ADGRB2: variants seen among roughly 807,000 people sequenced by gnomAD.
ADGRB2 encodes adhesion G protein-coupled receptor B2, also known as brain-specific angiogenesis inhibitor 2.
In ADGRB2, 47 loss-of-function variants were observed where a neutral mutation model predicts 178.7. The ratio of observed to expected loss-of-function variants is 0.26; its 90% CI spans 0.21 to 0.34. The LOEUF is 0.34. Ranked by LOEUF, ADGRB2 falls within the 10% of genes least tolerant of loss-of-function variation. The probability of loss-of-function intolerance (pLI) is 1.00; values close to 1 mark genes in which losing one functional copy is unlikely to be tolerated. For synonymous variants in ADGRB2, 870 were observed against 912.4 expected (o/e 0.95, Z 0.84); for missense variants, 1,584 against 2,180.8 (o/e 0.73, Z 5.45).
chr1:31,740,206 G>C lies in ADGRB2; in HGVS notation c.1990-28C>G. The C allele has an allele frequency of 6.2e-7, 1 of 1,613,692 alleles. No individual in the cohort carries two copies. The highest frequency in any genetic ancestry group is 1.3e-5 in the African/African-American group (1 of 75,030). ...GAGGAGAGAGCAATGAGTGGCAGGGGGTCCTAGCCCCAGGGAACAGGGGGC... is the reference window on the plus strand; with the variant it reads ...GAGGAGAGAGCAATGAGTGGCAGGGCGTCCTAGCCCCAGGGAACAGGGGGC... On this transcript the variant is annotated intron_variant, in intron 12 of 32. Coordinates refer to ENST00000373658, the MANE Select transcript of ADGRB2 (RefSeq NM_001364857.2). This position sits in a 1 kb window ranked among gnomAD's most constrained non-coding sequence, Gnocchi z 5.9.
In ADGRB2 at chr1:31,739,645, G is replaced by A. The variant is rs755774435; in HGVS notation, c.2168-10C>T. 7 of 1,568,452 alleles carry A rather than the reference G, an allele frequency of 4.5e-6. No homozygotes were observed. The highest frequency in any genetic ancestry group is 6.1e-6 in the Non-Finnish European group (7 of 1,154,676). The stretch of plus-strand genomic sequence containing the variant: ...CGCTGAATGCTGATCACTGCAGTGG[G>A]AGGAGGGTGGACAGAGACAGACAGA... On this transcript the variant is annotated splice_polypyrimidine_tract_variant and intron_variant, in intron 14 of 32. Coordinates refer to ENST00000373658, the MANE Select transcript of ADGRB2 (RefSeq NM_001364857.2).
Position 31,733,272 on chromosome 1 carries a change from A to G in ADGRB2, c.3453-129T>C. On this transcript the variant is annotated intron_variant, in intron 25 of 32. Coordinates refer to ENST00000373658, the MANE Select transcript of ADGRB2 (RefSeq NM_001364857.2). The surrounding 1 kb of genome is among the most constrained non-coding windows in gnomAD (Gnocchi z 4.3). ...GGAGGGCCCCAAACCCCAGGGCCTC[A>G]GTAATGTCCCCAAGCAGAGAGGGGC... 1 of 980,640 alleles carries G rather than the reference A, an allele frequency of 1.0e-6. No homozygotes were observed. 60.7% of individuals were successfully genotyped at this position (980,640 alleles called of 1,614,324 possible). A position where few individuals can be genotyped will look rare whatever the true frequency, so the allele number is the denominator to read the frequency against.
In ADGRB2 at chr1:31,756,750, C is replaced by A; in HGVS notation, c.87G>T (p.Leu29=). The change falls in exon 4 of 33, where the codon CTG becomes CTT. Residue 29 remains leucine (L), a synonymous_variant. Coordinates refer to ENST00000373658, the MANE Select transcript of ADGRB2 (RefSeq NM_001364857.2). This position sits in a 1 kb window ranked among gnomAD's most constrained non-coding sequence, Gnocchi z 8.5. ...LLLSVILSLR[L]ATAFDPAPSA... ...TGGGGGCGGGGTCGAAGGCGGTGGC[C>A]AGGCGCAGGGACAGAATCACAGACA... is the stretch of plus-strand genomic sequence containing the variant. 6.4e-7 allele frequency: 1 copy of A among 1,557,886 alleles called. No homozygotes were observed. The highest frequency in any genetic ancestry group is 1.2e-5 in the South Asian group (1 of 82,346).
intron 25 of ADGRB2, among the ~76,000 whole-genome samples, chr1:31,734,810 C>G (rs1645483422): frequency 6.6e-6 from 1 of 152,114 alleles, no homozygotes; most frequent in Admixed American, 6.5e-5. Context: ...TTCTGATTGT[C>G]TTATTCTAAG....
chr1:31,731,510 G>C lies in ADGRB2; in HGVS notation c.3761-91C>G, dbSNP rs534920227. 2.3e-5 allele frequency: 34 copies of C among 1,464,012 alleles called. No homozygotes were observed. The East Asian group carries it at 7.9e-4, about 34-fold the overall frequency. The allele number at this position is 1,464,012 out of a possible 1,614,324, so 90.7% of individuals were successfully genotyped here. A position where few individuals can be genotyped will look rare whatever the true frequency, so the allele number is the denominator to read the frequency against. On this transcript the variant is annotated intron_variant, in intron 28 of 32. Coordinates refer to ENST00000373658, the MANE Select transcript of ADGRB2 (RefSeq NM_001364857.2). ...CAGGCTGGGGAGGTACCAAGCTTCT[G>C]CGCTTGGACAGGAAAGGAAACTGGG...
chr1:31,742,444 T>C (rs1483060476), intron 7 of ADGRB2, among the ~76,000 whole-genome samples: 1 of 152,026 alleles, frequency 6.6e-6, no homozygotes, highest in Non-Finnish European at 1.5e-5. Flanking sequence ...ACAGGACACC[T>C]CTCCTCTTAG....
At chr1:31,743,075 C>T in intron 6 of ADGRB2, 73 bp from the exon 7 acceptor site, 1 of 1,337,730 alleles carries the variant, frequency 7.5e-7, no homozygotes, top group Middle Eastern at 2.8e-4. Flanking sequence ...GCCCATCCGC[C>T]CACCAATCAG....
At chr1:31,736,257 T>C in intron 22 of ADGRB2, 64 bp downstream of exon 22, 1 of 1,569,014 alleles carries the variant, frequency 6.4e-7, no homozygotes, top group Non-Finnish European at 8.7e-7. Flanking sequence ...TTCAGCCAGC[T>C]GCCCAGTCCG....
At chr1:31,745,764 C>T (rs373402139) in intron 4 of ADGRB2, among the ~76,000 whole-genome samples, 2 of 152,204 alleles carry the variant, frequency 1.3e-5, no homozygotes, top group Non-Finnish European at 1.5e-5. Context: ...TGGACAGGCA[C>T]GCTGAGTGTG....
chr1:31,728,350 C>T lies in ADGRB2; in HGVS notation c.4417-70G>A, dbSNP rs1645102335. The T allele has an allele frequency of 1.3e-6, 2 of 1,506,852 alleles. No individual in the cohort carries two copies. Among genetic ancestry groups the T allele is most frequent in the Non-Finnish European group, 1.8e-6 (2 of 1,095,884 alleles). 93.3% of individuals were successfully genotyped at this position (1,506,852 alleles called of 1,614,324 possible). On this transcript the variant is annotated intron_variant, in intron 30 of 32. Transcript: ENST00000373658. This position sits in a 1 kb window ranked among gnomAD's most constrained non-coding sequence, Gnocchi z 6.7. ...CATGATCCCCCCTACCCAGGGCACT[C>T]AGCACCCCAAGCCCCCCACATCCCT...
chr1:31,738,770 G>C lies in ADGRB2; in HGVS notation c.2601+62C>G, dbSNP rs879096773. On this transcript the variant is annotated intron_variant, in intron 16 of 32. Transcript: ENST00000373658. ...ATCAGGGACAGAGTGCTTCCCACCAGCCAGGCCTCTGGCCACCCAGGTTGA... is the reference window on the plus strand; with the variant it reads ...ATCAGGGACAGAGTGCTTCCCACCACCCAGGCCTCTGGCCACCCAGGTTGA... The C allele has an allele frequency of 6.2e-6, 10 of 1,601,104 alleles. No individual in the cohort carries two copies. In the South Asian group the frequency reaches 9.9e-5, roughly 16 times the overall value.
At position 31,758,076 on chromosome 1, in the gene ADGRB2, A is replaced by G. The variant is rs796249681; in HGVS notation, c.-190-565T>C. Among the ~76,000 whole-genome samples, 6 of 152,284 alleles carry G rather than the reference A, an allele frequency of 3.9e-5. No individual in the cohort carries two copies. Among genetic ancestry groups the G allele is most frequent in the African/African-American group, 1.4e-4 (6 of 41,548 alleles). On this transcript the variant is annotated intron_variant, in intron 1 of 32. Coordinates refer to ENST00000373658, the MANE Select transcript of ADGRB2 (RefSeq NM_001364857.2). The surrounding 1 kb of genome is among the most constrained non-coding windows in gnomAD (Gnocchi z 4.2). ...GCGCAACCTCTACCCAACTGCCCAG[A>G]AAATGGAACCTAGCGCGTGGTCTGA...
In ADGRB2 at chr1:31,733,076, C is replaced by A; in HGVS notation, c.3520G>T (p.Ala1174Ser). 6.3e-7 allele frequency: 1 copy of A among 1,584,510 alleles called. No homozygotes were observed. Among genetic ancestry groups the A allele is most frequent in the Non-Finnish European group, 8.6e-7 (1 of 1,165,338 alleles). ...AGGACGGAACGGCGGTCTGTCATAG[C>A]CAGGACGGCAGACATCCAGGTGAGC... ...LALTWMSAVL[A>S]MTDRRSVLFQ... The change falls in exon 26 of 33, where the codon GCT becomes TCT. Residue 1174 changes from alanine (A) to serine (S), a missense_variant. Ala to Ser is a moderately conservative substitution (Grantham distance 99). Coordinates refer to ENST00000373658, the MANE Select transcript of ADGRB2 (RefSeq NM_001364857.2). This position sits in a 1 kb window ranked among gnomAD's most constrained non-coding sequence, Gnocchi z 4.3.
intron 4 of ADGRB2, among the ~76,000 whole-genome samples, chr1:31,747,581 C>T (rs1310480835): frequency 6.6e-6 from 1 of 152,160 alleles, no homozygotes; most frequent in Non-Finnish European, 1.5e-5. Context: ...TGGCCACCCC[C>T]TCTTCTATGT....
At chr1:31,745,786 C>G (rs937070565) in intron 4 of ADGRB2, among the ~76,000 whole-genome samples, 1 of 152,210 alleles carries the variant, frequency 6.6e-6, no homozygotes, top group African/African-American at 2.4e-5. Flanking sequence ...AGGGACCCAC[C>G]AGGGCTGCCT....
chr1:31,732,669 A>C, intron 26 of ADGRB2, 57 bp from the exon 27 acceptor site: 1 of 1,572,322 alleles, frequency 6.4e-7, no homozygotes, highest in Non-Finnish European at 8.7e-7. Context: ...CCGACCACAG[A>C]TGGCTGTGCT....
chr1:31,743,035 G>T, intron 6 of ADGRB2, 33 bp from the exon 7 acceptor site: 1 of 1,376,336 alleles, frequency 7.3e-7, no homozygotes, highest in Non-Finnish European at 9.4e-7. Context: ...TGGCTGGGCG[G>T]CACCATGGCC....
chr1:31,738,578 C>A lies in ADGRB2; in HGVS notation c.2645+9G>T. ...TCCCTTCCTCACCCAGAGGAGCCAC[C>A]CAACTCACGCTCTGGAGTAGTCCCA... is the stretch of plus-strand genomic sequence containing the variant. On this transcript the variant is annotated intron_variant, in intron 17 of 32. Coordinates refer to ENST00000373658, the MANE Select transcript of ADGRB2 (RefSeq NM_001364857.2). The A allele has an allele frequency of 6.2e-7, 1 of 1,606,130 alleles. No homozygotes were observed.
chr1:31,744,790 G>A lies in ADGRB2; in HGVS notation c.839-59C>T. The A allele has an allele frequency of 6.4e-7, 1 of 1,569,540 alleles. No individual in the cohort carries two copies. The highest frequency in any genetic ancestry group is 8.8e-7 in the Non-Finnish European group (1 of 1,140,734). On this transcript the variant is annotated intron_variant, in intron 4 of 32. Coordinates refer to ENST00000373658, the MANE Select transcript of ADGRB2 (RefSeq NM_001364857.2). The surrounding 1 kb of genome is among the most constrained non-coding windows in gnomAD (Gnocchi z 6.7). Reference sequence around the variant, plus strand: ...AAGGCCAGCTAGGTTCTGTTACAGTGGCACAGTGAAGGCAGCCTTCCTTGC... The same window carrying A: ...AAGGCCAGCTAGGTTCTGTTACAGTAGCACAGTGAAGGCAGCCTTCCTTGC...
Sources: allele counts gnomAD v4.1 joint callset (sites outside exome capture counted in the v4.1 genomes callset), GRCh38; gene constraint gnomAD v4.1.1; non-coding constraint Gnocchi (gnomAD v3.1); transcripts MANE v1.5; gene names NCBI Gene and HGNC (gene_info 2026-07-23, HGNC 2026-07-21).